The following IPP variants were observed in gnomAD, a reference collection of about 807,000 sequenced individuals.
IPP encodes intracisternal A particle-promoted polypeptide.
Under a neutral mutation model 64.1 loss-of-function variants are expected in IPP, and 41 were observed. The ratio of observed to expected loss-of-function variants is 0.64; its 90% CI spans 0.50 to 0.83. The LOEUF is 0.83. Among genes scored for constraint, IPP ranks in the 40% least tolerant of loss-of-function variants. The pLI is 0.00. For missense variants in IPP, 649 were observed against 703.0 expected, an observed-to-expected ratio of 0.92 and a Z score of 0.87; for synonymous variants, 214 against 235.2, an observed-to-expected ratio of 0.91 and a Z score of 0.83.
intron 8 of IPP, among the ~76,000 whole-genome samples, chr1:45,711,669 G>A (rs200390678): frequency 6.6e-6 from 1 of 151,178 alleles, no homozygotes; most frequent in South Asian, 2.1e-4. Flanking sequence ...CACAAGAATC[G>A]CTTGAACCCA....
chr1:45,708,442 G>A (rs1220891940), intron 8 of IPP, among the ~76,000 whole-genome samples: 1 of 150,052 alleles, frequency 6.7e-6, no homozygotes, highest in Non-Finnish European at 1.5e-5. Context: ...ACTTTGGGAG[G>A]CCGAGGCAGG....
chr1:45,743,237 T>C (rs1205282061), intron 2 of IPP, among the ~76,000 whole-genome samples: 5 of 141,014 alleles, frequency 3.5e-5, no homozygotes, highest in Admixed American at 1.4e-4. Context: ...CACACCCATC[T>C]TTTTTTTTTT....
chr1:45,713,032 T>G (rs1372635925), intron 8 of IPP, among the ~76,000 whole-genome samples: 2 of 151,916 alleles, frequency 1.3e-5, no homozygotes, highest in Admixed American at 1.3e-4. Context: ...ATTAAAGCAG[T>G]GCTTGAAGAG....
rs538511669 is a variant in IPP at position 45,742,879 on chromosome 1, A to G, written c.293-1547T>C. Among the ~76,000 whole-genome samples, 40 of 152,178 alleles carry G rather than the reference A, an allele frequency of 2.6e-4. 1 individual carries two copies. Among genetic ancestry groups the G allele is most frequent in the Admixed American group, 2.0e-3 (30 of 15,274 alleles). On this transcript the variant is annotated intron_variant, in intron 2 of 8. Transcript: ENST00000396478. ...TATAACATAAGAGAAACTATTAAAT[A>G]CTTAACTACGTATACCACTTTCTTT...
In IPP at chr1:45,747,116, A is replaced by G. The variant is rs78525467; in HGVS notation, c.-50-655T>C. On this transcript the variant is annotated intron_variant, in intron 1 of 8. Transcript: ENST00000396478. Reference sequence around the variant, plus strand: ...TCTTAGTGCGCGCATGCGCGCGCACACGAGCGCGCGCGCGCGCTTCAGAGC... The same window carrying G: ...TCTTAGTGCGCGCATGCGCGCGCACGCGAGCGCGCGCGCGCGCTTCAGAGC... Among the ~76,000 whole-genome samples the G allele has an allele frequency of 5.6e-4, 84 of 150,100 alleles. No homozygotes were observed. In the East Asian group the frequency reaches 0.013, roughly 24 times the overall value.
chr1:45,701,727 T>C (rs1298433694), intron 8 of IPP, among the ~76,000 whole-genome samples: 2 of 152,202 alleles, frequency 1.3e-5, no homozygotes, highest in Non-Finnish European at 2.9e-5. Flanking sequence ...AAATAAAGCA[T>C]ATGATGAACA....
intron 5 of IPP, among the ~76,000 whole-genome samples, chr1:45,720,098 C>CA (rs1486076824): frequency 6.6e-6 from 1 of 151,682 alleles, no homozygotes; most frequent in East Asian, 1.9e-4. Context: ...TTTTTAGAGA[C>CA]AGAGTCTGGC....
chr1:45,741,095 G>A lies in IPP; in HGVS notation c.530C>T (p.Ala177Val), dbSNP rs1197522910. Residue 177 changes from alanine (A) to valine (V), a missense_variant, in exon 3 of 9, where the codon GCA becomes GTA. Transcript: ENST00000396478. ...TTTGATCAGCTGATCTTTCGTAAGT[G>A]CCAGGAACTCTTCTCCACTATGAAC... ...LEVHSGEEFL[A>V]LTKDQLIKIL... 6.2e-7 allele frequency: 1 copy of A among 1,614,056 alleles called. No homozygotes were observed. Among genetic ancestry groups the A allele is most frequent in the Non-Finnish European group, 8.5e-7 (1 of 1,179,952 alleles).
chr1:45,707,539 C>A (rs1427304992), intron 8 of IPP, among the ~76,000 whole-genome samples: 2 of 151,004 alleles, frequency 1.3e-5, no homozygotes, highest in African/African-American at 4.9e-5. Context: ...GAAAACAGAT[C>A]TTCTAGAGCT....
intron 7 of IPP, among the ~76,000 whole-genome samples, chr1:45,715,029 G>A (rs1297788344): frequency 6.6e-6 from 1 of 151,614 alleles, no homozygotes; most frequent in Non-Finnish European, 1.5e-5. Flanking sequence ...AGACCAACCT[G>A]GGCAAAAAAT....
intron 2 of IPP, among the ~76,000 whole-genome samples, chr1:45,742,747 A>G (rs1646083533): frequency 6.6e-6 from 1 of 151,924 alleles, no homozygotes; most frequent in South Asian, 2.1e-4. Flanking sequence ...CGCATTGCCC[A>G]GGCTGATCTC....
chr1:45,749,982 A>G (rs1194476146), intron 1 of IPP, among the ~76,000 whole-genome samples: 2 of 152,112 alleles, frequency 1.3e-5, no homozygotes, highest in African/African-American at 4.8e-5. Context: ...GAGCCTGAGA[A>G]GTCGAGGCTG....
downstream of IPP, among the ~76,000 whole-genome samples, chr1:45,696,611 C>T (rs6665808): frequency 0.34 from 51,955 of 151,936 alleles, 9,228 homozygotes; most frequent in African/African-American, 0.43. Context: ...AGAAACCCCA[C>T]CTCTACAAAA....
intron 8 of IPP, among the ~76,000 whole-genome samples, chr1:45,701,033 G>A (rs1042559042): frequency 6.6e-6 from 1 of 152,194 alleles, no homozygotes; most frequent in African/African-American, 2.4e-5. Context: ...AAAAAGGTGG[G>A]CTAACCAGGG....
chr1:45,723,391 G>GTC (rs1645759471), intron 5 of IPP, among the ~76,000 whole-genome samples: 1 of 152,180 alleles, frequency 6.6e-6, no homozygotes, highest in African/African-American at 2.4e-5. Context: ...AGCTAGTGAA[G>GTC]TCATAGCAGT....
downstream of IPP, among the ~76,000 whole-genome samples, chr1:45,695,680 T>C (rs2148542022): frequency 6.6e-6 from 1 of 152,254 alleles, no homozygotes; most frequent in Non-Finnish European, 1.5e-5. Flanking sequence ...GGAATTTTTT[T>C]TTTTTTTAGA....
chr1:45,750,200 A>C (rs1442313715), intron 1 of IPP, among the ~76,000 whole-genome samples: 1 of 152,218 alleles, frequency 6.6e-6, no homozygotes, highest in Admixed American at 6.5e-5. Context: ...ACAAGTGTCA[A>C]AACACCCGTG....
intron 5 of IPP, among the ~76,000 whole-genome samples, chr1:45,721,879 A>T (rs1645735942): frequency 6.6e-6 from 1 of 151,960 alleles, no homozygotes; most frequent in Middle Eastern, 3.4e-3. Flanking sequence ...GACCAGCCTG[A>T]CCAACATGGT....
intron 3 of IPP, among the ~76,000 whole-genome samples, chr1:45,739,095 A>G (rs1452967614): frequency 1.3e-5 from 2 of 152,186 alleles, no homozygotes; most frequent in African/African-American, 2.4e-5. Context: ...TTATGTTAAC[A>G]TTGCTAAGAG....
Sources: gnomAD v4.1 joint callset for allele counts (sites outside exome capture counted in the v4.1 genomes callset) on GRCh38, gnomAD v4.1.1 for gene constraint, MANE v1.5 for transcripts, NCBI Gene and HGNC (gene_info 2026-07-23, HGNC 2026-07-21) for gene names.